Variants in KAZN observed in about 807,000 individuals in gnomAD.
KAZN encodes kazrin.
A neutral mutation model predicts 87.4 loss-of-function variants in KAZN; 40 were observed. That is an observed-to-expected ratio of 0.46 (90% CI 0.36 to 0.60). KAZN has a LOEUF of 0.60. Ranked by LOEUF, KAZN falls within the 20% of genes least tolerant of loss-of-function variation. The pLI is 0.00. For synonymous variants in KAZN, 466 were observed against 458.3 expected (o/e 1.02, Z -0.22); for missense variants, 898 against 1,073.9 (o/e 0.84, Z 2.29).
chr1:14,357,453 T>A (rs1390107297), intron 2 of KAZN, among the ~76,000 whole-genome samples: 1 of 152,142 alleles, frequency 6.6e-6, no homozygotes, highest in East Asian at 1.9e-4. Flanking sequence ...GAACTTCCAA[T>A]ACTATGTTGA....
rs59955064 is a variant in KAZN at position 14,845,361 on chromosome 1, GTGGATGGA to G, written c.227-115299_227-115292del. On this transcript the variant is annotated intron_variant, in intron 1 of 14. Coordinates refer to ENST00000376030, the MANE Select transcript of KAZN (RefSeq NM_201628.3). The stretch of plus-strand genomic sequence containing the variant: ...GATGGATAGGTGAAGGGATGGATGA[GTGGATGGA>G]TGGATGGATGGATGGATGGATGGTT... 3.1e-4 allele frequency among the ~76,000 whole-genome samples: 46 copies of G among 147,332 alleles called. 1 individual carries two copies. Among genetic ancestry groups the G allele is most frequent in the African/African-American group, 8.5e-4 (33 of 38,968 alleles).
intron 1 of KAZN, among the ~76,000 whole-genome samples, chr1:13,944,180 A>G (rs1185999936): frequency 1.3e-5 from 2 of 152,248 alleles, no homozygotes; most frequent in South Asian, 4.1e-4. Context: ...ATGGAATACT[A>G]TTCAGCAACA....
chr1:15,092,631 C>A (rs1640607823), intron 8 of KAZN, among the ~76,000 whole-genome samples: 1 of 152,084 alleles, frequency 6.6e-6, no homozygotes, highest in Admixed American at 6.6e-5. Context: ...GCCACCACGT[C>A]CAGCTAATTT....
intron 2 of KAZN, among the ~76,000 whole-genome samples, chr1:14,525,928 G>A (rs528964667): frequency 2.0e-5 from 3 of 152,274 alleles, no homozygotes; most frequent in Middle Eastern, 3.4e-3. Context: ...CCAAGGTCTT[G>A]GGATCTCAGA....
chr1:14,267,970 G>T (rs147665951), intron 2 of KAZN, among the ~76,000 whole-genome samples: 216 of 152,240 alleles, frequency 1.4e-3, no homozygotes, highest in African/African-American at 5.0e-3. Context: ...GAAAAGAAAA[G>T]AGAAAAGAAA....
intron 1 of KAZN, among the ~76,000 whole-genome samples, chr1:14,764,759 A>C (rs548656929): frequency 6.6e-6 from 1 of 152,298 alleles, no homozygotes; most frequent in East Asian, 1.9e-4. Context: ...CTCTGGCACC[A>C]GGCTGGGTAT....
intron 2 of KAZN, among the ~76,000 whole-genome samples, chr1:14,404,155 A>G (rs911157371): frequency 6.6e-6 from 1 of 152,238 alleles, no homozygotes; most frequent in Non-Finnish European, 1.5e-5. Context: ...TTTATTATGC[A>G]GATGGGTTAT....
At chr1:14,194,813 G>A (rs1646493219) in intron 2 of KAZN, among the ~76,000 whole-genome samples, 1 of 152,142 alleles carries the variant, frequency 6.6e-6, no homozygotes, top group Non-Finnish European at 1.5e-5. Flanking sequence ...CCACTTTCTA[G>A]AGGAGTGAAT....
At chr1:14,369,721 A>T (rs1660312463) in intron 2 of KAZN, among the ~76,000 whole-genome samples, 1 of 152,146 alleles carries the variant, frequency 6.6e-6, no homozygotes, top group South Asian at 2.1e-4. Flanking sequence ...AATAAACCTG[A>T]CCACAGCCCT....
chr1:14,542,538 A>G (rs886583145), intron 2 of KAZN, among the ~76,000 whole-genome samples: 2 of 152,094 alleles, frequency 1.3e-5, no homozygotes, highest in Admixed American at 1.3e-4. Context: ...AGATGAAGCT[A>G]TTTTTCTGTT....
At chr1:15,091,994 T>G (rs1640553080) in intron 8 of KAZN, among the ~76,000 whole-genome samples, 1 of 151,982 alleles carries the variant, frequency 6.6e-6, no homozygotes, top group Non-Finnish European at 1.5e-5. Flanking sequence ...TTTTTTTACA[T>G]TCTTGTAATG....
chr1:13,978,694 T>C (rs184382096), intron 1 of KAZN, among the ~76,000 whole-genome samples: 1 of 151,932 alleles, frequency 6.6e-6, no homozygotes, highest in Admixed American at 6.6e-5. Flanking sequence ...ATTTTTTTTT[T>C]AAAAGTGAAG....
chr1:14,112,119 A>G (rs1462368053), intron 1 of KAZN, among the ~76,000 whole-genome samples: 2 of 134,206 alleles, frequency 1.5e-5, no homozygotes, highest in Non-Finnish European at 3.2e-5. Flanking sequence ...CAGCTTTGCC[A>G]TATCTGACTG....
At chr1:14,564,077 C>A (rs1462490253) in intron 2 of KAZN, among the ~76,000 whole-genome samples, 1 of 151,920 alleles carries the variant, frequency 6.6e-6, no homozygotes, top group Non-Finnish European at 1.5e-5. Context: ...CCATGTTGGC[C>A]AGGCTGGTCT....
chr1:14,616,965 C>T (rs540306291), intron 1 of KAZN, among the ~76,000 whole-genome samples: 30 of 152,308 alleles, frequency 2.0e-4, no homozygotes, highest in Admixed American at 1.2e-3. Flanking sequence ...TGGCATGGCC[C>T]ATACCTTTGG....
intron 1 of KAZN, among the ~76,000 whole-genome samples, chr1:14,690,547 T>C (rs1641227427): frequency 6.6e-6 from 1 of 151,296 alleles, no homozygotes; most frequent in African/African-American, 2.4e-5. Flanking sequence ...GGGTTTTTTT[T>C]TCATGCTCTT....
chr1:14,862,377 G>A (rs897217826), intron 1 of KAZN, among the ~76,000 whole-genome samples: 9 of 152,110 alleles, frequency 5.9e-5, no homozygotes, highest in East Asian at 1.9e-4. Context: ...TGGCTTTCTC[G>A]GGGTGCTACA....
At chr1:15,069,999 C>T (rs941739829) in intron 8 of KAZN, among the ~76,000 whole-genome samples, 1 of 152,334 alleles carries the variant, frequency 6.6e-6, no homozygotes, top group Admixed American at 6.5e-5. Context: ...CTCAGTTAAC[C>T]CTCCCAACAG....
chr1:14,245,075 C>T (rs1478778111), intron 2 of KAZN, among the ~76,000 whole-genome samples: 1 of 152,048 alleles, frequency 6.6e-6, no homozygotes, highest in East Asian at 1.9e-4. Flanking sequence ...ATTCTCCTGC[C>T]TCAGCCTCCC....
Sources: allele counts gnomAD v4.1 joint callset (sites outside exome capture counted in the v4.1 genomes callset), GRCh38; gene constraint gnomAD v4.1.1; transcripts MANE v1.5; gene names NCBI Gene and HGNC (gene_info 2026-07-23, HGNC 2026-07-21).